The following AFAP1 variants were observed in gnomAD, a reference collection of about 807,000 sequenced individuals.
The protein encoded by AFAP1 is actin filament associated protein 1.
In AFAP1, 75 loss-of-function variants were observed where a neutral mutation model predicts 93.9. That is an observed-to-expected ratio of 0.80 (90% CI 0.66 to 0.97). AFAP1 has a LOEUF of 0.97. Ranked by LOEUF, AFAP1 falls within the 50% of genes least tolerant of loss-of-function variation. AFAP1 has a pLI of 0.00. For missense variants in AFAP1, 1,201 were observed against 1,050.8 expected (o/e 1.14, Z -1.98); for synonymous variants, 517 against 430.7 (o/e 1.20, Z -2.48).
chr4:7,800,287 A>ATGGAC (rs1478613347), intron 10 of AFAP1, among the ~76,000 whole-genome samples, 155 bp downstream of exon 10: 1 of 152,238 alleles, frequency 6.6e-6, no homozygotes, highest in Non-Finnish European at 1.5e-5. Context: ...GCAAAGACTC[A>ATGGAC]TGGACTGGGC....
chr4:7,778,489 A>G (rs1035703252), intron 14 of AFAP1: 19 of 512,506 alleles, frequency 3.7e-5, no homozygotes, highest in Non-Finnish European at 6.4e-5. Flanking sequence ...GCTGCAAGAA[A>G]CCTGCACTCA....
chr4:7,774,744 T>C lies in AFAP1; in HGVS notation c.2057A>G (p.Asn686Ser), dbSNP rs1194615776. The C allele has an allele frequency of 6.2e-7, 1 of 1,614,104 alleles. No individual in the cohort carries two copies. The highest frequency in any genetic ancestry group is 1.7e-5 in the Admixed American group (1 of 60,002). ...GTCACCCACACCCTTCATACCGGCG[T>C]TCACTTCAATAGCCGCTCGAAGGTC... is the stretch of plus-strand genomic sequence containing the variant. ...RKDLRAAIEV[N>S]AGRKPQAILE... The change falls in exon 15 of 18, where the codon AAC (asparagine) becomes AGC (serine). Residue 686 changes from asparagine (N) to serine (S), a missense_variant. By Grantham distance (46) the Asn-to-Ser change is conservative. Transcript: ENST00000420658.
intron 4 of AFAP1, among the ~76,000 whole-genome samples, chr4:7,852,913 G>C (rs1714618079): frequency 1.3e-5 from 2 of 152,172 alleles, no homozygotes; most frequent in South Asian, 4.1e-4. Context: ...AGAAGAGAAT[G>C]GATGTGACCC....
intron 1 of AFAP1, among the ~76,000 whole-genome samples, chr4:7,899,293 G>A (rs369507401): frequency 5.9e-5 from 9 of 151,964 alleles, no homozygotes; most frequent in African/African-American, 1.9e-4. Flanking sequence ...CAGGACCCCC[G>A]TTTCATAAGG....
Position 7,779,523 on chromosome 4 carries a change from A to G in AFAP1, c.1783-647T>C, listed in dbSNP as rs552877826. Among the ~76,000 whole-genome samples, 28 of 152,340 alleles carry G rather than the reference A, an allele frequency of 1.8e-4. No homozygotes were observed. In the East Asian group the frequency reaches 4.0e-3, roughly 22 times the overall value. On this transcript the variant is annotated intron_variant, in intron 13 of 17. Coordinates refer to ENST00000420658, the MANE Select transcript of AFAP1 (RefSeq NM_001134647.2). The stretch of plus-strand genomic sequence containing the variant: ...TTTTGCATTTTGCTGAAGTGACCTT[A>G]TGTGCAGCTTAGCTGTGTAATTAAT...
At chr4:7,805,101 A>G (rs963160809) in intron 9 of AFAP1, among the ~76,000 whole-genome samples, 31 of 151,932 alleles carry the variant, frequency 2.0e-4, no homozygotes, top group African/African-American at 7.3e-4. Context: ...GGGCCTTGCT[A>G]TGTTGCTGAG....
At chr4:7,819,626 G>T (rs903293220) in intron 6 of AFAP1, among the ~76,000 whole-genome samples, 8 of 152,206 alleles carry the variant, frequency 5.3e-5, no homozygotes, top group African/African-American at 1.4e-4. Flanking sequence ...TGGGCAGCAG[G>T]AACAGCTGGT....
intron 6 of AFAP1, among the ~76,000 whole-genome samples, chr4:7,825,510 A>G (rs576656030): frequency 6.6e-5 from 10 of 152,364 alleles, no homozygotes; most frequent in African/African-American, 2.4e-4. Flanking sequence ...CAAAGAAGAA[A>G]TCAAGACAGA....
intron 1 of AFAP1, among the ~76,000 whole-genome samples, chr4:7,921,523 A>T (rs1462384529): frequency 6.6e-6 from 1 of 151,994 alleles, no homozygotes; most frequent in African/African-American, 2.4e-5. Context: ...GACAAACAAA[A>T]CATCTGAGAA....
At chr4:7,839,052 A>C (rs1404592054) in intron 5 of AFAP1, among the ~76,000 whole-genome samples, 3 of 152,346 alleles carry the variant, frequency 2.0e-5, no homozygotes, top group South Asian at 4.1e-4. Flanking sequence ...ATAAAAACAT[A>C]GGCTGGGCAC....
At chr4:7,879,699 C>CTTTTTTTTTTTTTT (rs552211338) in intron 1 of AFAP1, among the ~76,000 whole-genome samples, 23 of 121,708 alleles carry the variant, frequency 1.9e-4, no homozygotes, top group African/African-American at 6.7e-4. Flanking sequence ...TGCTTGCTTG[C>CTTTTTTTTTTTTTT]TTTTTTTTTT....
chr4:7,798,461 G>A (rs140516497), intron 10 of AFAP1, among the ~76,000 whole-genome samples: 149 of 109,020 alleles, frequency 1.4e-3, no homozygotes, highest in African/African-American at 4.1e-3. Flanking sequence ...GCTGGCTCAC[G>A]GCATTGCAAC....
intron 6 of AFAP1, 123 bp from the exon 7 acceptor site, chr4:7,819,294 T>C (rs1354401063): frequency 2.5e-6 from 2 of 787,426 alleles, no homozygotes; most frequent in East Asian, 5.8e-5. Context: ...TCAAAGCACC[T>C]GGCTCTGAGT....
At chr4:7,916,165 C>G (rs1720075596) in intron 1 of AFAP1, among the ~76,000 whole-genome samples, 1 of 152,134 alleles carries the variant, frequency 6.6e-6, no homozygotes, top group African/African-American at 2.4e-5. Context: ...GCAATTTCCC[C>G]AAAGAAACCA....
intron 1 of AFAP1, among the ~76,000 whole-genome samples, chr4:7,879,717 T>TTTTTTTTTTTG (rs1354591178): frequency 3.4e-5 from 5 of 149,138 alleles, no homozygotes; most frequent in African/African-American, 1.3e-4. Context: ...TTTTTTTTTT[T>TTTTTTTTTTTG]GTGAGACAGG....
At chr4:7,825,289 GCA>G (rs1721325284) in intron 6 of AFAP1, among the ~76,000 whole-genome samples, 1 of 152,020 alleles carries the variant, frequency 6.6e-6, no homozygotes, top group South Asian at 2.1e-4. Context: ...TCACTCTAGC[GCA>G]CTACCTTCTG....
chr4:7,761,243 T>C lies in AFAP1; in HGVS notation c.*2522A>G, dbSNP rs1293893046. On this transcript the variant is annotated 3_prime_UTR_variant, in exon 18 of 18. Transcript: ENST00000420658. ...TGGAATGTGAAATTTCAAGGGAGTA[T>C]CCGCCATGGAAGGAACCCACTGTCA... 1 of 152,262 alleles carries C rather than the reference T, an allele frequency of 6.6e-6. No individual in the cohort carries two copies. Among genetic ancestry groups the C allele is most frequent in the Non-Finnish European group, 1.5e-5 (1 of 68,054 alleles). 9.4% of individuals were successfully genotyped at this position (152,262 alleles called of 1,614,324 possible).
chr4:7,793,655 C>A, intron 11 of AFAP1, 26 bp downstream of exon 11: 1 of 1,487,144 alleles, frequency 6.7e-7, no homozygotes. Flanking sequence ...AACTGTGGTG[C>A]CATTTCACAT....
At chr4:7,830,750 T>TA (rs1256227795) in intron 6 of AFAP1, among the ~76,000 whole-genome samples, 1 of 152,090 alleles carries the variant, frequency 6.6e-6, no homozygotes, top group Non-Finnish European at 1.5e-5. Context: ...GCTGGGACTA[T>TA]AGGCTATGCC....
Sources: gnomAD v4.1 joint callset for allele counts (sites outside exome capture counted in the v4.1 genomes callset) on GRCh38, gnomAD v4.1.1 for gene constraint, MANE v1.5 for transcripts, NCBI Gene and HGNC (gene_info 2026-07-23, HGNC 2026-07-21) for gene names.